PTPRM: variants seen among roughly 807,000 people sequenced by gnomAD.
PTPRM encodes the protein protein tyrosine phosphatase receptor type M.
In PTPRM, 47 loss-of-function variants were observed where a neutral mutation model predicts 186.7. The observed-to-expected ratio is 0.25, with a 90% CI of 0.20 to 0.32. The LOEUF is 0.32. Ranked by LOEUF, PTPRM falls within the 10% of genes least tolerant of loss-of-function variation. PTPRM has a pLI of 1.00. For missense variants in PTPRM, 1,494 were observed against 1,865.0 expected (o/e 0.80, Z 3.66); for synonymous variants, 668 against 674.9 (o/e 0.99, Z 0.16).
At chr18:7,764,162 C>T (rs2041914810) in intron 1 of PTPRM, among the ~76,000 whole-genome samples, 1 of 152,138 alleles carries the variant, frequency 6.6e-6, no homozygotes, top group Non-Finnish European at 1.5e-5. Context: ...GTGTTTATGA[C>T]TGAAAAGCAT....
At position 7,906,571 on chromosome 18, in the gene PTPRM, G is replaced by A; in HGVS notation, c.535G>A (p.Gly179Arg). Residue 179 changes from glycine to arginine, a missense_variant, in exon 4 of 33, where the codon GGA (glycine) becomes AGA (arginine). Physicochemically the swap from Gly to Arg is moderately radical, Grantham distance 125. Transcript: ENST00000580170. ...YLAIDEVKVL[G>R]HPCTRTPHFL... Reference sequence around the variant, plus strand: ...CGCTATCGATGAGGTGAAGGTGTTAGGACATCCATGTAGTAAGTTGTCTTT... The same window carrying A: ...CGCTATCGATGAGGTGAAGGTGTTAAGACATCCATGTAGTAAGTTGTCTTT... 6.2e-7 allele frequency: 1 copy of A among 1,610,868 alleles called. No homozygotes were observed. Among genetic ancestry groups the A allele is most frequent in the Non-Finnish European group, 8.5e-7 (1 of 1,177,002 alleles).
intron 7 of PTPRM, among the ~76,000 whole-genome samples, chr18:8,029,290 C>T (rs1462370311): frequency 6.7e-6 from 1 of 150,092 alleles, no homozygotes; most frequent in South Asian, 2.2e-4. Context: ...GCCTCCCCCA[C>T]ACCTGTCCTG....
At chr18:8,344,242 C>G (rs575715335) in intron 23 of PTPRM, among the ~76,000 whole-genome samples, 39 of 151,986 alleles carry the variant, frequency 2.6e-4, no homozygotes, top group African/African-American at 9.4e-4. Flanking sequence ...CAAAGGCAGC[C>G]TAGAGGTTAT....
chr18:7,765,765 A>G (rs1246362976), intron 1 of PTPRM, among the ~76,000 whole-genome samples: 2 of 152,142 alleles, frequency 1.3e-5, no homozygotes, highest in Admixed American at 1.3e-4. Flanking sequence ...CTATTGAGAG[A>G]CCCATTTAAT....
chr18:7,771,395 T>C (rs1481695488), intron 1 of PTPRM, among the ~76,000 whole-genome samples: 1 of 152,240 alleles, frequency 6.6e-6, no homozygotes, highest in African/African-American at 2.4e-5. Context: ...ACAATACTTC[T>C]CGTAAATGTT....
chr18:7,793,548 T>C (rs2043450806), intron 2 of PTPRM, among the ~76,000 whole-genome samples: 1 of 152,352 alleles, frequency 6.6e-6, no homozygotes, highest in South Asian at 2.1e-4. Context: ...GCAGTTCTCC[T>C]TCTCCATGCA....
At chr18:8,127,075 C>T (rs1568385559) in intron 13 of PTPRM, among the ~76,000 whole-genome samples, 1 of 151,550 alleles carries the variant, frequency 6.6e-6, no homozygotes, top group Non-Finnish European at 1.5e-5. Flanking sequence ...CCAAGCCACA[C>T]TAGAAACATT....
intron 2 of PTPRM, among the ~76,000 whole-genome samples, chr18:7,802,414 G>T (rs1462109544): frequency 6.6e-6 from 1 of 152,170 alleles, no homozygotes; most frequent in East Asian, 1.9e-4. Context: ...AGGCAAGGTT[G>T]TTGGAACTCC....
At chr18:8,033,074 T>C (rs1267471020) in intron 7 of PTPRM, among the ~76,000 whole-genome samples, 5 of 152,116 alleles carry the variant, frequency 3.3e-5, no homozygotes, top group Non-Finnish European at 7.4e-5. Flanking sequence ...CATCTATTCA[T>C]ATAAAAAATA....
chr18:7,654,724 T>C (rs919929560), intron 1 of PTPRM, among the ~76,000 whole-genome samples: 4 of 152,242 alleles, frequency 2.6e-5, no homozygotes, highest in South Asian at 2.1e-4. Context: ...CCCCATTGCT[T>C]GCTTTTGTTA....
At chr18:7,659,479 T>A (rs148664986) in intron 1 of PTPRM, among the ~76,000 whole-genome samples, 15 of 152,298 alleles carry the variant, frequency 9.8e-5, no homozygotes, top group African/African-American at 3.6e-4. Flanking sequence ...TGTGTTTCCT[T>A]AATTATCACC....
rs567156494 is a variant in PTPRM, at chr18:7,974,421, A to T, written c.1132+19007A>T. Among the ~76,000 whole-genome samples the T allele has an allele frequency of 1.2e-4, 19 of 152,316 alleles. No homozygotes were observed. In the South Asian group the frequency reaches 3.5e-3, roughly 28 times the overall value. ...AGAGATTCCCAGAGCAGTTGTAGAG[A>T]AGAGGTTCTGAAAGTCAACATAAAT... On this transcript the variant is annotated intron_variant, in intron 7 of 32. Transcript: ENST00000580170.
At chr18:7,754,594 A>G (rs1313320461) in intron 1 of PTPRM, among the ~76,000 whole-genome samples, 4 of 152,204 alleles carry the variant, frequency 2.6e-5, no homozygotes, top group Non-Finnish European at 5.9e-5. Context: ...ATGCCACTTG[A>G]AAATGAGGTA....
chr18:8,157,747 C>A (rs931839648), intron 14 of PTPRM, among the ~76,000 whole-genome samples: 2 of 152,224 alleles, frequency 1.3e-5, no homozygotes, highest in African/African-American at 4.8e-5. Flanking sequence ...TACTACCATG[C>A]TTGGGGAACG....
intron 21 of PTPRM, among the ~76,000 whole-genome samples, chr18:8,318,399 C>A (rs1167549970): frequency 1.4e-5 from 2 of 141,430 alleles, no homozygotes; most frequent in Non-Finnish European, 1.5e-5. Context: ...TGGGCTTATG[C>A]AATCCTCCTG....
At chr18:8,206,012 T>C (rs2093922653) in intron 14 of PTPRM, among the ~76,000 whole-genome samples, 1 of 152,112 alleles carries the variant, frequency 6.6e-6, no homozygotes, top group African/African-American at 2.4e-5. Flanking sequence ...ATAAGAACTA[T>C]ACATATTGAA....
At chr18:7,867,566 T>C (rs9965241) in intron 2 of PTPRM, among the ~76,000 whole-genome samples, 3,116 of 152,296 alleles carry the variant, frequency 0.02, 93 homozygotes, top group African/African-American at 0.072. Flanking sequence ...CTGAGAGATC[T>C]GCTGTTAGTC....
At chr18:7,739,048 AT>A (rs2040834774) in intron 1 of PTPRM, among the ~76,000 whole-genome samples, 2 of 152,154 alleles carry the variant, frequency 1.3e-5, no homozygotes, top group South Asian at 4.1e-4. Context: ...TGATTGTCAT[AT>A]AAAAATCCAC....
intron 13 of PTPRM, among the ~76,000 whole-genome samples, chr18:8,139,187 C>T (rs1481803334): frequency 6.6e-6 from 1 of 152,210 alleles, no homozygotes; most frequent in African/African-American, 2.4e-5. Context: ...CCCTCCAAAC[C>T]TGCTCCTCCT....
Sources: allele counts gnomAD v4.1 joint callset (sites outside exome capture counted in the v4.1 genomes callset), GRCh38; gene constraint gnomAD v4.1.1; transcripts MANE v1.5; gene names NCBI Gene and HGNC (gene_info 2026-07-23, HGNC 2026-07-21).